Variants in RAB38 observed in about 807,000 individuals in gnomAD.
RAB38 encodes RAB38, member RAS oncogene family, also known as ras-related protein Rab-38.
RAB38 carries 15 observed loss-of-function variants against 18.4 expected under a neutral mutation model. That is an observed-to-expected ratio of 0.82 (90% CI 0.55 to 1.26). The LOEUF (loss-of-function observed/expected upper bound fraction) is 1.26, where lower values mean the gene tolerates loss of function less well. Among genes scored for constraint, RAB38 ranks in the 50% most tolerant of loss-of-function variants. The probability of loss-of-function intolerance (pLI) is 0.00; values close to 1 mark genes in which losing one functional copy is unlikely to be tolerated. For missense variants in RAB38, 294 were observed against 267.4 expected, an observed-to-expected ratio of 1.10 and a Z score of -0.69; for synonymous variants, 101 against 104.4, an observed-to-expected ratio of 0.97 and a Z score of 0.20.
Position 88,114,158 on chromosome 11 carries a change from A to G in RAB38, c.484-18T>C. The G allele has an allele frequency of 6.2e-7, 1 of 1,613,380 alleles. No individual in the cohort carries two copies. Among genetic ancestry groups the G allele is most frequent in the Non-Finnish European group, 8.5e-7 (1 of 1,179,414 alleles). On this transcript the variant is annotated intron_variant, in intron 2 of 2. Coordinates refer to ENST00000243662, the MANE Select transcript of RAB38 (RefSeq NM_022337.3). ...ATATTTTCCTATGAGGGAAAAAATA[A>G]AACAGCTTTTCTTATTCAATACTCT...
the RAB38 span, among the ~76,000 whole-genome samples, chr11:87,809,756 T>C: frequency 6.6e-6 from 1 of 152,210 alleles, no homozygotes; most frequent in Non-Finnish European, 1.5e-5. Context: ...TTTCTGTCAT[T>C]TTATCCTCAA....
chr11:88,065,948 C>A, the RAB38 span, among the ~76,000 whole-genome samples: 1 of 152,154 alleles, frequency 6.6e-6, no homozygotes, highest in East Asian at 1.9e-4. Flanking sequence ...ACATGTCAGG[C>A]AAGGCTTTGA....
chr11:88,131,395 G>C (rs1408867700), intron 2 of RAB38, among the ~76,000 whole-genome samples: 2 of 151,948 alleles, frequency 1.3e-5, no homozygotes, highest in Admixed American at 6.6e-5. Context: ...TTTTACCCTG[G>C]CTATCAATAT....
At chr11:87,832,422 A>C in the RAB38 span, among the ~76,000 whole-genome samples, 1 of 152,222 alleles carries the variant, frequency 6.6e-6, no homozygotes, top group East Asian at 1.9e-4. Flanking sequence ...TTCACAAGAC[A>C]GAAATCAAGG....
the RAB38 span, among the ~76,000 whole-genome samples, chr11:87,867,118 G>A: frequency 1.3e-5 from 2 of 151,744 alleles, no homozygotes; most frequent in Non-Finnish European, 2.9e-5. Context: ...CTTTCTGAAT[G>A]CTGGTTGTCC....
chr11:88,098,402 T>C, the RAB38 span, among the ~76,000 whole-genome samples: 1 of 151,964 alleles, frequency 6.6e-6, no homozygotes, highest in Non-Finnish European at 1.5e-5. Context: ...GCCAACTAAA[T>C]AAAGTAATGT....
the RAB38 span, among the ~76,000 whole-genome samples, chr11:87,868,582 A>AGG: frequency 2.7e-4 from 1 of 3,712 alleles, no homozygotes; most frequent in Non-Finnish European, 7.5e-4. Context: ...AGTGAGGGAG[A>AGG]GAGAGAGAGA....
At chr11:87,949,709 T>A in the RAB38 span, among the ~76,000 whole-genome samples, 2 of 152,154 alleles carry the variant, frequency 1.3e-5, no homozygotes, top group East Asian at 1.9e-4. Context: ...TTTGAGTGAG[T>A]TTCTTAATCC....
chr11:88,093,684 C>T, the RAB38 span, among the ~76,000 whole-genome samples: 14 of 151,870 alleles, frequency 9.2e-5, no homozygotes, highest in African/African-American at 3.4e-4. Context: ...GATGTTCACT[C>T]TCCTGTTTAA....
chr11:87,877,365 A>C, the RAB38 span, among the ~76,000 whole-genome samples: 1 of 151,708 alleles, frequency 6.6e-6, no homozygotes, highest in Admixed American at 6.6e-5. Flanking sequence ...GGAATAATAA[A>C]GTATACATTG....
the RAB38 span, among the ~76,000 whole-genome samples, chr11:87,898,068 AAG>A: frequency 2.0e-5 from 3 of 151,602 alleles, no homozygotes; most frequent in Non-Finnish European, 1.5e-5. Flanking sequence ...CAAAAATAAA[AAG>A]AGAAATATCC....
At chr11:88,143,004 C>G (rs1008767958) in intron 2 of RAB38, among the ~76,000 whole-genome samples, 1 of 152,182 alleles carries the variant, frequency 6.6e-6, no homozygotes, top group Non-Finnish European at 1.5e-5. Context: ...AGTCCCTGGT[C>G]TACCATGTAT....
the RAB38 span, among the ~76,000 whole-genome samples, chr11:87,886,824 G>GTTTTTTTTTTTT: frequency 3.6e-5 from 5 of 139,024 alleles, no homozygotes; most frequent in Non-Finnish European, 3.1e-5. Context: ...TGAAGCACTT[G>GTTTTTTTTTTTT]TTTTTTTTTT....
At chr11:88,042,286 G>A in the RAB38 span, among the ~76,000 whole-genome samples, 1 of 152,134 alleles carries the variant, frequency 6.6e-6, no homozygotes. Flanking sequence ...GCTAAATCGG[G>A]CAGCCGGTTC....
chr11:88,023,330 A>G, the RAB38 span, among the ~76,000 whole-genome samples: 1 of 151,768 alleles, frequency 6.6e-6, no homozygotes, highest in Non-Finnish European at 1.5e-5. Flanking sequence ...TTAAATATCT[A>G]GGAATTAATG....
chr11:87,855,157 T>C, the RAB38 span, among the ~76,000 whole-genome samples: 12 of 152,292 alleles, frequency 7.9e-5, 1 homozygote, highest in Middle Eastern at 3.4e-3. Flanking sequence ...CTCATTTTTT[T>C]CTAAGAAAAT....
the RAB38 span, among the ~76,000 whole-genome samples, chr11:87,863,644 G>T: frequency 6.6e-6 from 1 of 151,772 alleles, no homozygotes; most frequent in South Asian, 2.1e-4. Flanking sequence ...AGACTTTTAG[G>T]CCTCCTCAAA....
the RAB38 span, among the ~76,000 whole-genome samples, chr11:87,844,472 G>A: frequency 6.6e-6 from 1 of 152,250 alleles, no homozygotes; most frequent in African/African-American, 2.4e-5. Context: ...AGTAAATTGA[G>A]GCACAGATAG....
At chr11:88,149,296 TTAAC>T (rs1943033164) in intron 2 of RAB38, among the ~76,000 whole-genome samples, 1 of 152,202 alleles carries the variant, frequency 6.6e-6, no homozygotes, top group Non-Finnish European at 1.5e-5. Context: ...ATTGTGTAAA[TTAAC>T]TAACACATGA....
Sources: gnomAD v4.1 joint callset for allele counts (sites outside exome capture counted in the v4.1 genomes callset) on GRCh38, gnomAD v4.1.1 for gene constraint, MANE v1.5 for transcripts, NCBI Gene and HGNC (gene_info 2026-07-23, HGNC 2026-07-21) for gene names.